Variants in PDE4D observed in about 807,000 individuals in gnomAD.
PDE4D encodes the protein phosphodiesterase 4D, also known as 3',5'-cyclic-AMP phosphodiesterase 4D.
A neutral mutation model predicts 87.4 loss-of-function variants in PDE4D; 24 were observed. That is an observed-to-expected ratio of 0.27 (90% confidence interval 0.20 to 0.39). The LOEUF is 0.39. Among genes scored for constraint, PDE4D ranks in the 10% least tolerant of loss-of-function variants. PDE4D has a pLI of 1.00. For missense variants in PDE4D, 714 were observed against 1,041.0 expected (o/e 0.69, Z 4.32); for synonymous variants, 384 against 383.2 (o/e 1.00, Z -0.02).
chr5:59,214,816 A>G (rs59019685), intron 2 of PDE4D, among the ~76,000 whole-genome samples: 18,645 of 152,206 alleles, frequency 0.12, 1,761 homozygotes, highest in African/African-American at 0.26. Context: ...TTTCATTTCT[A>G]GAACCCCATG....
chr5:60,350,222 C>G (rs146140991), intron 1 of PDE4D, among the ~76,000 whole-genome samples: 6 of 152,164 alleles, frequency 3.9e-5, no homozygotes, highest in Non-Finnish European at 8.8e-5. Context: ...GGCTCAGGTT[C>G]GAGCCTATCA....
chr5:59,088,804 G>C (rs10052007), intron 5 of PDE4D, among the ~76,000 whole-genome samples: 8,051 of 152,228 alleles, frequency 0.053, 712 homozygotes, highest in African/African-American at 0.18. Context: ...AGGGTGGGAG[G>C]AGTGAGAGGA....
At chr5:59,171,299 C>T (rs965492756) in intron 5 of PDE4D, among the ~76,000 whole-genome samples, 3 of 152,184 alleles carry the variant, frequency 2.0e-5, no homozygotes, top group Admixed American at 6.5e-5. Context: ...AGCCCCACTT[C>T]CACCCCAGTT....
chr5:60,326,392 T>C (rs1756794369), intron 1 of PDE4D, among the ~76,000 whole-genome samples: 1 of 152,104 alleles, frequency 6.6e-6, no homozygotes, highest in Non-Finnish European at 1.5e-5. Context: ...CCTTTAAAGG[T>C]AAAAGATAAG....
At chr5:59,631,283 G>C (rs1391613608) in intron 1 of PDE4D, among the ~76,000 whole-genome samples, 1 of 152,082 alleles carries the variant, frequency 6.6e-6, no homozygotes, top group Admixed American at 6.5e-5. Context: ...GTGCCAGAGA[G>C]TAGATTTGAA....
chr5:60,172,690 G>A (rs948508670), intron 2 of PDE4D, among the ~76,000 whole-genome samples: 4 of 152,130 alleles, frequency 2.6e-5, no homozygotes, highest in African/African-American at 9.7e-5. Context: ...TCATTCTAAA[G>A]AGGCTTTAAC....
In PDE4D at chr5:59,258,702, CA is replaced by C. The variant is rs527916999; in HGVS notation, c.456-42735del. ...ATCATATAGATAACATATATATAAT[CA>C]TATATCATATCATATATAGATATAT... On this transcript the variant is annotated intron_variant, in intron 1 of 14. Coordinates refer to ENST00000340635, the MANE Select transcript of PDE4D (RefSeq NM_001104631.2). Among the ~76,000 whole-genome samples, 375 of 147,684 alleles carry C rather than the reference CA, an allele frequency of 2.5e-3. 1 individual carries two copies. Among genetic ancestry groups the C allele is most frequent in the South Asian group, 7.0e-3 (33 of 4,716 alleles).
At chr5:59,587,141 C>A (rs568411948) in intron 1 of PDE4D, 19 of 318,208 alleles carry the variant, frequency 6.0e-5, no homozygotes, top group Non-Finnish European at 8.6e-5. Context: ...CTGCCTAACC[C>A]CATAATAAGG....
chr5:59,337,686 T>TGATATGTTCTGA (rs1777956612), intron 1 of PDE4D, among the ~76,000 whole-genome samples: 1 of 152,152 alleles, frequency 6.6e-6, no homozygotes, highest in African/African-American at 2.4e-5. Context: ...GGCCATGTGT[T>TGATATGTTCTGA]GATATGTTCT....
At chr5:60,337,386 T>TACACACACAC (rs1370710315) in intron 1 of PDE4D, among the ~76,000 whole-genome samples, 53 of 92,110 alleles carry the variant, frequency 5.8e-4, no homozygotes, top group African/African-American at 2.1e-3. Context: ...TATATATATA[T>TACACACACAC]ATACACACAC....
chr5:59,481,726 C>T (rs969273585), intron 1 of PDE4D, among the ~76,000 whole-genome samples: 7 of 151,996 alleles, frequency 4.6e-5, no homozygotes, highest in African/African-American at 1.7e-4. Context: ...TTGTTCCCAT[C>T]ACTGTCATTA....
rs367653182 is a variant in PDE4D, at chr5:60,464,982, G to A, written c.-90+22960C>T. On this transcript the variant is annotated intron_variant, in intron 1 of 16. Transcript: ENST00000502484. ...TCATTAGCTAGGCATGGTGGCACATGCCTGTAGTCCCAGCTATTTGGGAGG... is the reference window on the plus strand; with the variant it reads ...TCATTAGCTAGGCATGGTGGCACATACCTGTAGTCCCAGCTATTTGGGAGG... Among the ~76,000 whole-genome samples the A allele has an allele frequency of 5.5e-3, 834 of 152,056 alleles. 9 individuals are homozygous for A. The highest frequency in any genetic ancestry group is 0.024 in the Middle Eastern group (7 of 294).
intron 1 of PDE4D, among the ~76,000 whole-genome samples, chr5:60,261,539 T>G (rs1461751043): frequency 1.3e-5 from 2 of 152,166 alleles, no homozygotes; most frequent in African/African-American, 4.8e-5. Flanking sequence ...AACATTTCTT[T>G]CATTTAAAAT....
At chr5:59,022,380 C>A (rs1755355696) in intron 6 of PDE4D, among the ~76,000 whole-genome samples, 1 of 152,100 alleles carries the variant, frequency 6.6e-6, no homozygotes, top group Non-Finnish European at 1.5e-5. Flanking sequence ...CTCTTTCTCT[C>A]TTTCTTTCCT....
At chr5:59,229,814 C>T (rs153984) in intron 1 of PDE4D, among the ~76,000 whole-genome samples, 95,348 of 152,068 alleles carry the variant, frequency 0.63, 30,453 homozygotes, top group Non-Finnish European at 0.65. Context: ...TATGTGTTTT[C>T]TGAGATGGAG....
At chr5:59,801,920 T>G (rs1262487763) in intron 1 of PDE4D, among the ~76,000 whole-genome samples, 1 of 152,212 alleles carries the variant, frequency 6.6e-6, no homozygotes, top group African/African-American at 2.4e-5. Flanking sequence ...CAAATAAAGT[T>G]CATGCTTTGT....
intron 1 of PDE4D, among the ~76,000 whole-genome samples, chr5:59,222,834 T>G (rs1317208500): frequency 6.6e-6 from 1 of 152,198 alleles, no homozygotes; most frequent in Non-Finnish European, 1.5e-5. Context: ...TTACAATACC[T>G]AGCTCTAGGG....
chr5:59,452,188 C>T (rs1180856783), intron 1 of PDE4D, among the ~76,000 whole-genome samples: 1 of 152,108 alleles, frequency 6.6e-6, no homozygotes, highest in Non-Finnish European at 1.5e-5. Context: ...ATATTCTTCC[C>T]CTCTCCATTG....
chr5:59,495,754 C>T (rs1807065301), intron 1 of PDE4D, among the ~76,000 whole-genome samples: 1 of 152,164 alleles, frequency 6.6e-6, no homozygotes, highest in Non-Finnish European at 1.5e-5. Flanking sequence ...CCTTGTCCCC[C>T]TTGCAAGGTG....
Sources: allele counts gnomAD v4.1 joint callset (sites outside exome capture counted in the v4.1 genomes callset), GRCh38; gene constraint gnomAD v4.1.1; transcripts MANE v1.5; gene names NCBI Gene and HGNC (gene_info 2026-07-23, HGNC 2026-07-21).